C9: variants seen among roughly 807,000 people sequenced by gnomAD.
C9 encodes the protein complement component C9.
In C9, 63 loss-of-function variants were observed where a neutral mutation model predicts 65.4. The observed-to-expected ratio is 0.96, with a 90% CI of 0.79 to 1.19. C9 has a LOEUF of 1.19. C9 is among the 50% of genes most tolerant of loss of function. C9 has a pLI of 0.00. For synonymous variants in C9, 229 were observed against 227.9 expected, an observed-to-expected ratio of 1.00 and a Z score of -0.04; for missense variants, 744 against 670.1, an observed-to-expected ratio of 1.11 and a Z score of -1.22.
rs1290592423 is a variant in C9 at position 39,345,208 on chromosome 5, A to G, written c.78-3012T>C. On this transcript the variant is annotated intron_variant, in intron 1 of 10. Transcript: ENST00000263408. ...AATGCAAAATGGGCTAAATGCGCCA[A>G]TTAAAAGACACAGACTGGCAAATTG... Among the ~76,000 whole-genome samples, 8 of 152,354 alleles carry G rather than the reference A, an allele frequency of 5.3e-5. No individual in the cohort carries two copies. The South Asian group carries it at 1.7e-3, about 32-fold the overall frequency.
In C9 at chr5:39,316,023, C is replaced by T. The variant is rs755957609; in HGVS notation, c.622G>A (p.Gly208Ser). The T allele has an allele frequency of 3.7e-5, 60 of 1,611,158 alleles. 1 individual carries two copies. The South Asian group carries it at 6.2e-4, about 17-fold the overall frequency. ...TGTTCGGTTCTGAAATTTTTCTCGC[C>T]TTTGGTCTAAAAGAGAATAAAAAAG... ...NVASLIYETKGEKNFRTEHYE... is the reference protein window; with the variant it reads ...NVASLIYETKSEKNFRTEHYE... Residue 208 changes from glycine (G) to serine (S), a missense_variant, in exon 6 of 11, where the codon GGC becomes AGC. Transcript: ENST00000263408.
chr5:39,355,464 T>TA (rs1754399168), intron 1 of C9, among the ~76,000 whole-genome samples: 1 of 151,822 alleles, frequency 6.6e-6, no homozygotes, highest in African/African-American at 2.4e-5. Flanking sequence ...CCTTTTTGTT[T>TA]TTTTTTATTA....
intron 9 of C9, among the ~76,000 whole-genome samples, chr5:39,301,971 T>G (rs1365063474): frequency 6.6e-6 from 1 of 152,104 alleles, no homozygotes; most frequent in African/African-American, 2.4e-5. Context: ...ATTTTGATTT[T>G]TTTTTAAAGA....
At chr5:39,292,218 A>G (rs999184607) in intron 9 of C9, among the ~76,000 whole-genome samples, 5 of 151,806 alleles carry the variant, frequency 3.3e-5, no homozygotes, top group Admixed American at 2.6e-4. Context: ...AGGCGATGAC[A>G]ACAAAGGGAA....
chr5:39,312,888 T>C (rs1173621734), intron 6 of C9, among the ~76,000 whole-genome samples: 1 of 152,172 alleles, frequency 6.6e-6, no homozygotes, highest in Admixed American at 6.6e-5. Flanking sequence ...TGACAGTGGG[T>C]GATCCAGTCT....
At chr5:39,290,701 G>A (rs928981881) in intron 9 of C9, among the ~76,000 whole-genome samples, 2 of 151,790 alleles carry the variant, frequency 1.3e-5, no homozygotes. Flanking sequence ...CAAGAGGTGG[G>A]CCCAGTATTC....
At chr5:39,353,462 C>T (rs928246612) in intron 1 of C9, among the ~76,000 whole-genome samples, 2 of 152,180 alleles carry the variant, frequency 1.3e-5, no homozygotes, top group African/African-American at 2.4e-5. Context: ...TCAAGACAAG[C>T]CACTTTTTCT....
chr5:39,316,002 C>A lies in C9; in HGVS notation c.643G>T (p.Glu215Ter). 6.2e-7 allele frequency: 1 copy of A among 1,612,200 alleles called. No individual in the cohort carries two copies. Among genetic ancestry groups the A allele is most frequent in the East Asian group, 2.2e-5 (1 of 44,780 alleles). ...ETKGEKNFRT[E>*]HYEEQIEAFK... ...GCTTCAATTTGTTCTTCGTAATGTT[C>A]GGTTCTGAAATTTTTCTCGCCTTTG... The change falls in exon 6 of 11, where the codon GAA (glutamate) becomes TAA (stop). Residue 215 changes from glutamate (E) to a stop codon, truncating the protein, a stop_gained. Transcript: ENST00000263408. LOFTEE classifies it high-confidence loss of function.
chr5:39,361,838 C>T (rs1754527059), intron 1 of C9, among the ~76,000 whole-genome samples: 2 of 152,136 alleles, frequency 1.3e-5, no homozygotes, highest in Admixed American at 6.5e-5. Context: ...TTAGAAATCC[C>T]TGACAGTTCT....
chr5:39,332,601 T>C (rs1753864677), intron 4 of C9, among the ~76,000 whole-genome samples: 1 of 152,258 alleles, frequency 6.6e-6, no homozygotes, highest in Non-Finnish European at 1.5e-5. Context: ...CAGTCATTGC[T>C]GTCTAGGCTG....
rs1432234975 is a variant in C9 at position 39,341,282 on chromosome 5, T to G, written c.340A>C (p.Lys114Gln). The G allele has an allele frequency of 6.2e-7, 1 of 1,614,168 alleles. No homozygotes were observed. Among genetic ancestry groups the G allele is most frequent in the East Asian group, 2.2e-5 (1 of 44,874 alleles). The change falls in exon 4 of 11, where the codon AAG becomes CAG. Residue 114 changes from lysine (K) to glutamine (Q), a missense_variant. Coordinates refer to ENST00000263408, the MANE Select transcript of C9 (RefSeq NM_001737.5). The part of the protein sequence containing the change: ...DFQCSTGRCI[K>Q]MRLRCNGDND... ...TCACCATTACACCGAAGTCGCATCT[T>G]TATGCATCTGCCTGCAATCAAAATC...
intron 1 of C9, among the ~76,000 whole-genome samples, chr5:39,353,375 A>G (rs1207473634): frequency 1.3e-5 from 2 of 152,226 alleles, no homozygotes; most frequent in Non-Finnish European, 2.9e-5. Context: ...TGAGAGCTCT[A>G]CATGGCCTAT....
chr5:39,322,769 T>A (rs1045989736), intron 5 of C9, among the ~76,000 whole-genome samples: 1 of 152,090 alleles, frequency 6.6e-6, no homozygotes, highest in Non-Finnish European at 1.5e-5. Context: ...ACAAACTATT[T>A]CCCTTGTCAT....
intron 5 of C9, among the ~76,000 whole-genome samples, chr5:39,326,360 C>T (rs912692778): frequency 6.6e-6 from 1 of 152,168 alleles, no homozygotes; most frequent in African/African-American, 2.4e-5. Flanking sequence ...CTTAAATATG[C>T]TGGATTTTAT....
intron 4 of C9, among the ~76,000 whole-genome samples, chr5:39,337,254 G>A (rs1486112739): frequency 6.6e-6 from 1 of 152,162 alleles, no homozygotes; most frequent in Non-Finnish European, 1.5e-5. Flanking sequence ...GAAAGTTTTT[G>A]TGCACCCCAT....
rs138744547 is a variant in C9 at position 39,294,959 on chromosome 5, A to G, written c.1417-6008T>C. Among the ~76,000 whole-genome samples, 119 of 152,050 alleles carry G rather than the reference A, an allele frequency of 7.8e-4. 1 individual carries two copies. Among genetic ancestry groups the G allele is most frequent in the African/African-American group, 2.7e-3 (113 of 41,538 alleles). The stretch of plus-strand genomic sequence containing the variant: ...CACATCAGCAAAATTATGAACAGAA[A>G]CCATGTGATCATCTCAATAGATGCA... On this transcript the variant is annotated intron_variant, in intron 9 of 10. Coordinates refer to ENST00000263408, the MANE Select transcript of C9 (RefSeq NM_001737.5).
At chr5:39,346,046 T>C (rs1243223564) in intron 1 of C9, among the ~76,000 whole-genome samples, 3 of 152,162 alleles carry the variant, frequency 2.0e-5, no homozygotes, top group Non-Finnish European at 2.9e-5. Flanking sequence ...TTTATAGCAC[T>C]AAATGCCCAC....
At chr5:39,292,306 G>A (rs1052973681) in intron 9 of C9, among the ~76,000 whole-genome samples, 1 of 151,222 alleles carries the variant, frequency 6.6e-6, no homozygotes, top group Non-Finnish European at 1.5e-5. Context: ...GAAGACAAAG[G>A]GGTAATATCT....
intron 9 of C9, among the ~76,000 whole-genome samples, chr5:39,298,749 G>A (rs896365524): frequency 1.3e-5 from 2 of 151,848 alleles, no homozygotes. Context: ...TTTACAGTTA[G>A]CATTACTTTG....
Sources: allele counts gnomAD v4.1 joint callset (sites outside exome capture counted in the v4.1 genomes callset), GRCh38; gene constraint gnomAD v4.1.1; transcripts MANE v1.5; gene names NCBI Gene and HGNC (gene_info 2026-07-23, HGNC 2026-07-21).